The following PARL variants were observed in gnomAD, a reference collection of about 807,000 sequenced individuals.
PARL encodes the protein presenilin associated rhomboid like.
PARL carries 44 observed loss-of-function variants against 51.6 expected under a neutral mutation model. The ratio of observed to expected loss-of-function variants is 0.85; its 90% confidence interval spans 0.67 to 1.10. The LOEUF (loss-of-function observed/expected upper bound fraction) is 1.10, where lower values mean the gene tolerates loss of function less well. PARL is among the 50% of genes least tolerant of loss of function. The pLI is 0.00. For missense variants in PARL, 441 were observed against 469.5 expected, an observed-to-expected ratio of 0.94 and a Z score of 0.56; for synonymous variants, 172 against 164.0, an observed-to-expected ratio of 1.05 and a Z score of -0.37.
chr3:183,877,915 T>A (rs1481799866), intron 1 of PARL, among the ~76,000 whole-genome samples: 1 of 152,070 alleles, frequency 6.6e-6, no homozygotes, highest in Non-Finnish European at 1.5e-5. Flanking sequence ...CTCAGCCTCC[T>A]GAGTAGCTGG....
intron 4 of PARL, among the ~76,000 whole-genome samples, chr3:183,859,717 G>A (rs754767261): frequency 1.3e-5 from 2 of 152,152 alleles, no homozygotes; most frequent in Admixed American, 6.5e-5. Context: ...CAATCTGACT[G>A]TTCTTACCTA....
intron 2 of PARL, among the ~76,000 whole-genome samples, 165 bp downstream of exon 2, chr3:183,867,699 CA>C (rs111387397): frequency 0.074 from 7,137 of 97,030 alleles, 553 homozygotes; most frequent in African/African-American, 0.23. Context: ...GACTCCGTCT[CA>C]AAAAAAAAAA....
chr3:183,837,523 C>T (rs1163962082), intron 7 of PARL, among the ~76,000 whole-genome samples: 1 of 152,198 alleles, frequency 6.6e-6, no homozygotes, highest in South Asian at 2.1e-4. Flanking sequence ...GCGACATTAG[C>T]AGAGGCACAC....
intron 3 of PARL, among the ~76,000 whole-genome samples, chr3:183,864,572 C>G (rs6443915): frequency 2.6e-5 from 4 of 151,672 alleles, no homozygotes; most frequent in Admixed American, 1.3e-4. Context: ...GTCAGGAGAT[C>G]GAGACCATCC....
In PARL at chr3:183,829,840, T is replaced by A; in HGVS notation, c.1029-131A>T. On this transcript the variant is annotated intron_variant, in intron 9 of 9. Transcript: ENST00000317096. Reference sequence around the variant, plus strand: ...CACTATGTAGCCGATTAAAACTGACTCACATCGAGAAATGGTTTAGCTTTC... The same window carrying A: ...CACTATGTAGCCGATTAAAACTGACACACATCGAGAAATGGTTTAGCTTTC... 5.1e-6 allele frequency: 4 copies of A among 777,712 alleles called. No individual in the cohort carries two copies. The South Asian group carries it at 5.6e-5, about 11-fold the overall frequency. The allele number at this position is 777,712 out of a possible 1,614,324, so 48.2% of individuals were successfully genotyped here.
downstream of PARL, among the ~76,000 whole-genome samples, chr3:183,828,336 C>T (rs10460892): frequency 0.16 from 23,822 of 152,208 alleles, 2,308 homozygotes; most frequent in East Asian, 0.44. Context: ...CTCTGGAAAA[C>T]GCATCTTGCC....
In PARL at chr3:183,862,617, A is replaced by G. The variant is rs73042572; in HGVS notation, c.511+136T>C. ...ACCTCACCACTTTATATACTATTAC[A>G]TTAGCCTATCAGTACAGAGACTGTC... On this transcript the variant is annotated intron_variant, in intron 4 of 9. Coordinates refer to ENST00000317096, the MANE Select transcript of PARL (RefSeq NM_018622.7). 4.7e-5 allele frequency: 34 copies of G among 716,172 alleles called. No homozygotes were observed. In the African/African-American group the frequency reaches 5.4e-4, roughly 11 times the overall value. 44.4% of individuals were successfully genotyped at this position (716,172 alleles called of 1,614,324 possible).
intron 5 of PARL, among the ~76,000 whole-genome samples, chr3:183,843,516 AAAAATAAAAT>A (rs890464102): frequency 5.3e-5 from 8 of 152,100 alleles, no homozygotes; most frequent in African/African-American, 1.9e-4. Flanking sequence ...CCCTGTCTCA[AAAAATAAAAT>A]AAAATAAAAT....
At chr3:183,871,161 A>C (rs1422445702) in intron 1 of PARL, among the ~76,000 whole-genome samples, 1 of 152,198 alleles carries the variant, frequency 6.6e-6, no homozygotes, top group East Asian at 1.9e-4. Context: ...ACTCAAAGTA[A>C]GATGGTACTA....
At chr3:183,873,441 A>T (rs1280786859) in intron 1 of PARL, among the ~76,000 whole-genome samples, 1 of 152,178 alleles carries the variant, frequency 6.6e-6, no homozygotes, top group Non-Finnish European at 1.5e-5. Flanking sequence ...CAGGAAGCTA[A>T]GGCAGGAGAC....
At chr3:183,827,420 C>CGA (rs60941610), downstream of PARL, among the ~76,000 whole-genome samples, 1,466 of 149,470 alleles carry the variant, frequency 9.8e-3, 11 homozygotes, top group Middle Eastern at 0.053. Context: ...CCAGCCTGGA[C>CGA]GAGAGAGAGA....
chr3:183,873,926 T>C (rs1733500628), intron 1 of PARL, among the ~76,000 whole-genome samples: 1 of 152,148 alleles, frequency 6.6e-6, no homozygotes, highest in Admixed American at 6.6e-5. Context: ...TCAGAACTTA[T>C]CAGTAGGTAC....
At chr3:183,869,643 A>G (rs750203281) in intron 1 of PARL, among the ~76,000 whole-genome samples, 1 of 152,122 alleles carries the variant, frequency 6.6e-6, no homozygotes, top group Non-Finnish European at 1.5e-5. Flanking sequence ...ATATCATAAC[A>G]TATTATCCCT....
downstream of PARL, chr3:183,826,607 C>A: frequency 1.0e-6 from 1 of 985,418 alleles, no homozygotes; most frequent in Non-Finnish European, 1.2e-6. Context: ...CAAAACATTG[C>A]CTGTCTTAGC....
intron 8 of PARL, 46 bp downstream of exon 8, chr3:183,833,678 A>C: frequency 2.0e-6 from 3 of 1,465,390 alleles, no homozygotes; most frequent in Non-Finnish European, 2.9e-6. Context: ...CTCAACATAA[A>C]AACATCACCA....
intron 1 of PARL, among the ~76,000 whole-genome samples, chr3:183,884,267 G>A (rs981925760): frequency 1.3e-5 from 2 of 152,214 alleles, no homozygotes; most frequent in African/African-American, 4.8e-5. Flanking sequence ...CAGACACAAA[G>A]TGATACCTTC....
intron 4 of PARL, among the ~76,000 whole-genome samples, chr3:183,847,192 T>C (rs1730054070): frequency 1.3e-5 from 2 of 152,350 alleles, no homozygotes; most frequent in African/African-American, 2.4e-5. Flanking sequence ...ACTTACATTA[T>C]AACCTGGGGA....
chr3:183,875,689 T>C (rs1733725615), intron 1 of PARL, among the ~76,000 whole-genome samples: 1 of 152,140 alleles, frequency 6.6e-6, no homozygotes, highest in Non-Finnish European at 1.5e-5. Flanking sequence ...GCAGCAAGTG[T>C]GGATGTAGAA....
intron 1 of PARL, among the ~76,000 whole-genome samples, chr3:183,882,271 A>ATATATATATATATATATATT (rs1560442516): frequency 9.8e-5 from 10 of 101,768 alleles, no homozygotes; most frequent in Non-Finnish European, 1.6e-4. Flanking sequence ...ATATATATTT[A>ATATATATATATATATATATT]TATATATATA....
Sources: allele counts gnomAD v4.1 joint callset (sites outside exome capture counted in the v4.1 genomes callset), GRCh38; gene constraint gnomAD v4.1.1; transcripts MANE v1.5; gene names NCBI Gene and HGNC (gene_info 2026-07-23, HGNC 2026-07-21).